STK4: variants seen among roughly 807,000 people sequenced by gnomAD.
STK4 encodes the protein serine/threonine-protein kinase 4.
A neutral mutation model predicts 64.9 loss-of-function variants in STK4; 30 were observed. The ratio of observed to expected loss-of-function variants is 0.46; its 90% CI spans 0.35 to 0.63. The LOEUF (loss-of-function observed/expected upper bound fraction) is 0.63, where lower values mean the gene tolerates loss of function less well. Among genes scored for constraint, STK4 ranks in the 20% least tolerant of loss-of-function variants. The pLI, the probability that STK4 is intolerant of heterozygous loss-of-function variation, is 0.01. For missense variants in STK4, 466 were observed against 598.5 expected, an observed-to-expected ratio of 0.78 and a Z score of 2.31; for synonymous variants, 177 against 199.0, an observed-to-expected ratio of 0.89 and a Z score of 0.93.
At chr20:45,039,780 A>T (rs1422948681) in intron 10 of STK4, among the ~76,000 whole-genome samples, 1 of 152,144 alleles carries the variant, frequency 6.6e-6, no homozygotes, top group Admixed American at 6.6e-5. Flanking sequence ...AACTGTAGCC[A>T]GTGACTGTAA....
chr20:45,052,400 C>A (rs986566945), intron 10 of STK4, among the ~76,000 whole-genome samples: 2 of 152,116 alleles, frequency 1.3e-5, no homozygotes, highest in East Asian at 3.9e-4. Context: ...TTTCACTTAA[C>A]ATATCTTAAA....
intron 2 of STK4, chr20:44,974,996 C>A (rs1287524495): frequency 6.6e-6 from 1 of 152,140 alleles, no homozygotes; most frequent in African/African-American, 2.4e-5. Flanking sequence ...CACCTTTTTT[C>A]TTCTACTTAA....
At chr20:45,068,949 A>G (rs1267359449) in intron 10 of STK4, among the ~76,000 whole-genome samples, 2 of 152,252 alleles carry the variant, frequency 1.3e-5, no homozygotes, top group Non-Finnish European at 2.9e-5. Flanking sequence ...AAATATGTCT[A>G]CTTTAAGATA....
At chr20:45,001,094 A>G in intron 8 of STK4, 73 bp from the exon 9 acceptor site, 1 of 1,456,894 alleles carries the variant, frequency 6.9e-7, no homozygotes, top group Admixed American at 2.0e-5. Flanking sequence ...TCACTAAGAC[A>G]GGTAGTAGTT....
rs1980781757 is a variant in STK4 at position 45,079,983 on chromosome 20, C to G, written c.*4807C>G. ...TATTAACGAGAACCTCAATATATAGCCTGGATAATGGTGTTGTGAACAATC... is the reference window on the plus strand; with the variant it reads ...TATTAACGAGAACCTCAATATATAGGCTGGATAATGGTGTTGTGAACAATC... On this transcript the variant is annotated 3_prime_UTR_variant, in exon 11 of 11. Coordinates refer to ENST00000372806, the MANE Select transcript of STK4 (RefSeq NM_006282.5). 1.3e-5 allele frequency: 2 copies of G among 152,126 alleles called. No individual in the cohort carries two copies. Among genetic ancestry groups the G allele is most frequent in the Non-Finnish European group, 2.9e-5 (2 of 68,014 alleles). The allele number at this position is 152,126 out of a possible 1,614,324, so 9.4% of individuals were successfully genotyped here. A position where few individuals can be genotyped will look rare whatever the true frequency, so the allele number is the denominator to read the frequency against.
intron 9 of STK4, among the ~76,000 whole-genome samples, chr20:45,003,984 G>T: frequency 6.6e-6 from 1 of 151,846 alleles, no homozygotes; most frequent in East Asian, 1.9e-4. Context: ...CTCCCAAAGT[G>T]TTGGAATTAC....
At chr20:44,971,276 G>C (rs1421470893) in intron 1 of STK4, among the ~76,000 whole-genome samples, 1 of 152,164 alleles carries the variant, frequency 6.6e-6, no homozygotes, top group African/African-American at 2.4e-5. Flanking sequence ...GAGCAGCCAA[G>C]TACCTTTGAT....
At chr20:44,988,567 A>ATATATATATG (rs1555808412) in intron 5 of STK4, among the ~76,000 whole-genome samples, 1 of 142,316 alleles carries the variant, frequency 7.0e-6, no homozygotes, top group African/African-American at 2.7e-5. Flanking sequence ...ATATATATAT[A>ATATATATATG]TGTATCCATT....
chr20:45,048,160 A>T (rs2068724491), intron 10 of STK4, among the ~76,000 whole-genome samples: 1 of 152,350 alleles, frequency 6.6e-6, no homozygotes, highest in South Asian at 2.1e-4. Flanking sequence ...TATACTGACC[A>T]AGAGCAGATA....
At chr20:45,010,037 T>G (rs2068017106) in intron 9 of STK4, among the ~76,000 whole-genome samples, 1 of 152,132 alleles carries the variant, frequency 6.6e-6, no homozygotes, top group Non-Finnish European at 1.5e-5. Context: ...TTTGCCTGGT[T>G]GTTCTGGCTA....
intron 10 of STK4, among the ~76,000 whole-genome samples, chr20:45,069,984 C>CTT (rs1170043352): frequency 6.6e-6 from 1 of 152,186 alleles, no homozygotes; most frequent in African/African-American, 2.4e-5. Flanking sequence ...AAAGGCTTGC[C>CTT]TGCATCCTCT....
chr20:44,978,068 C>A (rs1178564234), intron 2 of STK4, among the ~76,000 whole-genome samples: 1 of 152,172 alleles, frequency 6.6e-6, no homozygotes, highest in Admixed American at 6.6e-5. Flanking sequence ...AAATCATAAA[C>A]CCCTTTGAAC....
In STK4 at chr20:44,986,183, G is replaced by A. The variant is rs114343326; in HGVS notation, c.361-949G>A. Among the ~76,000 whole-genome samples the A allele has an allele frequency of 3.8e-3, 582 of 152,268 alleles. 1 individual carries two copies. Among genetic ancestry groups the A allele is most frequent in the African/African-American group, 0.013 (549 of 41,552 alleles). On this transcript the variant is annotated intron_variant, in intron 4 of 10. Coordinates refer to ENST00000372806, the MANE Select transcript of STK4 (RefSeq NM_006282.5). Reference sequence around the variant, plus strand: ...TATCACATACATAGATAAATAATGGGTAATATGTCAGATGGTAGTATACTG... The same window carrying A: ...TATCACATACATAGATAAATAATGGATAATATGTCAGATGGTAGTATACTG...
At chr20:45,004,096 A>G (rs973583980) in intron 9 of STK4, among the ~76,000 whole-genome samples, 3 of 147,872 alleles carry the variant, frequency 2.0e-5, no homozygotes. Context: ...GATCACAACC[A>G]GTTTTTTCTT....
chr20:45,035,403 A>G (rs1194065330), intron 10 of STK4, among the ~76,000 whole-genome samples: 1 of 152,176 alleles, frequency 6.6e-6, no homozygotes, highest in Non-Finnish European at 1.5e-5. Context: ...ATATATATAC[A>G]GATTAAGAGA....
At position 45,049,551 on chromosome 20, in the gene STK4, G is replaced by A. The variant is rs557777755; in HGVS notation, c.1305+24421G>A. Reference sequence around the variant, plus strand: ...TCCTGGGATGAATTAAGATCTTGCAGTAAAAATACCATATACAATCTGTCA... The same window carrying A: ...TCCTGGGATGAATTAAGATCTTGCAATAAAAATACCATATACAATCTGTCA... On this transcript the variant is annotated intron_variant, in intron 10 of 10. Transcript: ENST00000372806. Among the ~76,000 whole-genome samples, 31 of 152,278 alleles carry A rather than the reference G, an allele frequency of 2.0e-4. No homozygotes were observed. The South Asian group carries it at 4.8e-3, about 23-fold the overall frequency.
At chr20:45,056,564 T>C (rs1978499669) in intron 10 of STK4, among the ~76,000 whole-genome samples, 1 of 152,236 alleles carries the variant, frequency 6.6e-6, no homozygotes, top group Non-Finnish European at 1.5e-5. Context: ...ATCCAGACTC[T>C]TCTGGATTGG....
intron 9 of STK4, 76 bp downstream of exon 9, chr20:45,001,429 A>T (rs1005238675): frequency 5.3e-6 from 8 of 1,497,476 alleles, no homozygotes; most frequent in Non-Finnish European, 7.2e-6. Flanking sequence ...CTCATGGTTC[A>T]TGCAGGCTTA....
intron 9 of STK4, among the ~76,000 whole-genome samples, chr20:45,023,309 G>A (rs6130728): frequency 1.3e-5 from 2 of 152,226 alleles, no homozygotes; most frequent in Admixed American, 1.3e-4. Flanking sequence ...GTTGAACTTA[G>A]CAATGGTGAT....
Sources: allele counts gnomAD v4.1 joint callset (sites outside exome capture counted in the v4.1 genomes callset), GRCh38; gene constraint gnomAD v4.1.1; transcripts MANE v1.5; gene names NCBI Gene and HGNC (gene_info 2026-07-23, HGNC 2026-07-21).